The following POLA1 variants were observed in gnomAD, a reference collection of about 807,000 sequenced individuals.
POLA1 encodes DNA polymerase alpha 1, catalytic subunit.
A neutral mutation model predicts 124.0 loss-of-function variants in POLA1; 15 were observed. That is an observed-to-expected ratio of 0.12 (90% CI 0.08 to 0.19). POLA1 has a LOEUF of 0.19. POLA1 is among the 10% of genes least tolerant of loss of function. The pLI, the probability that POLA1 is intolerant of heterozygous loss-of-function variation, is 1.00. For synonymous variants in POLA1, 408 were observed against 389.4 expected (o/e 1.05, Z -0.56); for missense variants, 886 against 1,103.4 (o/e 0.80, Z 2.79).
intron 35 of POLA1, among the ~76,000 whole-genome samples, chrX:24,907,956 T>G (rs913282178): frequency 8.0e-5 from 9 of 111,988 alleles, no homozygotes; most frequent in African/African-American, 2.9e-4. Context: ...TATATGTGTT[T>G]TTGCATTCCA....
At chrX:24,958,935 A>G (rs1214224625) in intron 36 of POLA1, among the ~76,000 whole-genome samples, 2 of 111,630 alleles carry the variant, frequency 1.8e-5, no homozygotes, top group South Asian at 3.8e-4. Context: ...TTTCAGACTG[A>G]CTTTTGGACT....
At chrX:24,838,644 C>T (rs2046372077) in intron 32 of POLA1, among the ~76,000 whole-genome samples, 1 of 112,567 alleles carries the variant, frequency 8.9e-6, no homozygotes, top group Non-Finnish European at 1.9e-5. Context: ...GACTAATGTA[C>T]GCAGTGTAAC....
At chrX:24,832,848 T>C (rs757833398) in intron 32 of POLA1, among the ~76,000 whole-genome samples, 3 of 112,434 alleles carry the variant, frequency 2.7e-5, no homozygotes, top group Non-Finnish European at 5.6e-5. Flanking sequence ...TTATTATTAA[T>C]AAGACAGTTT....
At chrX:24,827,299 A>G (rs1425076095) in intron 32 of POLA1, among the ~76,000 whole-genome samples, 1 of 112,191 alleles carries the variant, frequency 8.9e-6, no homozygotes, top group African/African-American at 3.2e-5. Flanking sequence ...TCATTTTTAG[A>G]TGACCAAGTA....
At chrX:24,947,718 G>A (rs1224184297) in intron 36 of POLA1, among the ~76,000 whole-genome samples, 2 of 112,239 alleles carry the variant, frequency 1.8e-5, no homozygotes, top group Non-Finnish European at 3.8e-5. Flanking sequence ...ACCGCTAAGA[G>A]ACTTTCAGAC....
chrX:24,781,344 A>G (rs987052639), intron 26 of POLA1, among the ~76,000 whole-genome samples: 3 of 111,384 alleles, frequency 2.7e-5, no homozygotes, highest in African/African-American at 9.8e-5. Context: ...TACATTGTCC[A>G]GAGGTTATCA....
chrX:24,711,813 G>A (rs1351159426), intron 4 of POLA1, among the ~76,000 whole-genome samples: 1 of 111,828 alleles, frequency 8.9e-6, no homozygotes, highest in African/African-American at 3.2e-5. Context: ...GGCCAGGCTG[G>A]TCTCGAGCTC....
At chrX:24,741,160 T>C (rs1244895576) in intron 20 of POLA1, among the ~76,000 whole-genome samples, 3 of 109,347 alleles carry the variant, frequency 2.7e-5, no homozygotes, top group African/African-American at 1.0e-4. Context: ...CGCGTGTGTG[T>C]GTGTGTGTGT....
At chrX:24,895,938 C>G (rs926598598) in intron 35 of POLA1, among the ~76,000 whole-genome samples, 2 of 112,044 alleles carry the variant, frequency 1.8e-5, no homozygotes, top group Non-Finnish European at 3.8e-5. Context: ...GGGGAAGAAG[C>G]CCTACTTCTA....
chrX:24,736,274 A>G (rs1001876788), intron 18 of POLA1, among the ~76,000 whole-genome samples: 2 of 111,899 alleles, frequency 1.8e-5, no homozygotes, highest in Non-Finnish European at 3.8e-5. Flanking sequence ...TGGCAACTGT[A>G]TAGCTAGCAT....
At chrX:24,754,453 C>A (rs1443024658) in intron 26 of POLA1, among the ~76,000 whole-genome samples, 1 of 110,687 alleles carries the variant, frequency 9.0e-6, no homozygotes, top group African/African-American at 3.3e-5. Context: ...GACGGGGTTT[C>A]TCCGTGGTCA....
At chrX:24,875,072 T>C (rs1490974097) in intron 34 of POLA1, among the ~76,000 whole-genome samples, 2 of 110,998 alleles carry the variant, frequency 1.8e-5, no homozygotes, top group Non-Finnish European at 3.8e-5. Context: ...TAGATGAGCC[T>C]TTCTAAACAA....
intron 34 of POLA1, among the ~76,000 whole-genome samples, chrX:24,872,289 G>A (rs1164304308): frequency 5.4e-5 from 6 of 110,727 alleles, no homozygotes; most frequent in Admixed American, 4.8e-4. Context: ...ACACACAACC[G>A]ATTAGAAAAC....
intron 13 of POLA1, among the ~76,000 whole-genome samples, chrX:24,726,730 A>G (rs940288046): frequency 4.5e-5 from 5 of 111,249 alleles, no homozygotes; most frequent in African/African-American, 1.6e-4. Flanking sequence ...ATCAAGATGC[A>G]TTATTTTGTC....
chrX:24,840,364 A>G (rs1489604104), intron 32 of POLA1, among the ~76,000 whole-genome samples: 1 of 112,144 alleles, frequency 8.9e-6, no homozygotes, highest in Non-Finnish European at 1.9e-5. Flanking sequence ...GGTTTGTTCT[A>G]TATTATCCAA....
intron 18 of POLA1, among the ~76,000 whole-genome samples, chrX:24,736,074 A>T (rs186015931): frequency 4.2e-4 from 47 of 111,545 alleles, no homozygotes; most frequent in African/African-American, 1.5e-3. Flanking sequence ...TTTGTAGAAT[A>T]TGGAATTCCT....
At chrX:24,790,837 T>A (rs1360683547) in intron 26 of POLA1, among the ~76,000 whole-genome samples, 2 of 106,517 alleles carry the variant, frequency 1.9e-5, no homozygotes, top group Non-Finnish European at 3.8e-5. Flanking sequence ...TAGTGTCATA[T>A]CCTGCAAGTG....
At chrX:24,981,242 G>A (rs1337222929) in intron 36 of POLA1, among the ~76,000 whole-genome samples, 1 of 112,398 alleles carries the variant, frequency 8.9e-6, no homozygotes, top group Non-Finnish European at 1.9e-5. Context: ...AGGCTGCAGG[G>A]CAGGTGATGG....
intron 26 of POLA1, chrX:24,788,618 T>A: frequency 8.4e-7 from 1 of 1,195,021 alleles, no homozygotes; most frequent in Non-Finnish European, 1.1e-6. Flanking sequence ...ATCTGTCTCA[T>A]CATCCCAAGG....
Sources: allele counts gnomAD v4.1 joint callset (sites outside exome capture counted in the v4.1 genomes callset), GRCh38; gene constraint gnomAD v4.1.1; transcripts MANE v1.5; gene names NCBI Gene and HGNC (gene_info 2026-07-23, HGNC 2026-07-21).